Variants in IGSF21 observed in about 807,000 individuals in gnomAD.
IGSF21 encodes the protein immunoglobin superfamily member 21, also known as immunoglobulin superfamily member 21.
In IGSF21, 28 loss-of-function variants were observed where a neutral mutation model predicts 46.8. The ratio of observed to expected loss-of-function variants is 0.60; its 90% CI spans 0.44 to 0.82. The LOEUF (loss-of-function observed/expected upper bound fraction) is 0.82. IGSF21 is among the 40% of genes least tolerant of loss of function. The pLI is 0.00. For missense variants in IGSF21, 624 were observed against 665.5 expected (o/e 0.94, Z 0.69); for synonymous variants, 284 against 273.6 (o/e 1.04, Z -0.38).
chr1:18,175,123 C>T (rs188567138), intron 1 of IGSF21, among the ~76,000 whole-genome samples: 9 of 152,340 alleles, frequency 5.9e-5, no homozygotes, highest in East Asian at 3.9e-4. Context: ...TTCAAATGCC[C>T]GTGTGACCCT....
At chr1:18,156,942 T>C (rs79467002) in intron 1 of IGSF21, among the ~76,000 whole-genome samples, 389 of 152,246 alleles carry the variant, frequency 2.6e-3, no homozygotes, top group African/African-American at 9.1e-3. Context: ...TTGGCCAATG[T>C]GGTGAAACCT....
rs940550511 is a variant in IGSF21, at chr1:18,228,122, C to T, written c.183+112C>T. Reference sequence around the variant, plus strand: ...GCTATGACCTCAGCCCTGACCCAGTCCTGAGTTGTCCTGGGCATCTGCTGG... The same window carrying T: ...GCTATGACCTCAGCCCTGACCCAGTTCTGAGTTGTCCTGGGCATCTGCTGG... On this transcript the variant is annotated intron_variant, in intron 2 of 9. Transcript: ENST00000251296. 9 of 762,812 alleles carry T rather than the reference C, an allele frequency of 1.2e-5. No homozygotes were observed. The East Asian group carries it at 2.5e-4, about 21-fold the overall frequency. 47.3% of individuals were successfully genotyped at this position (762,812 alleles called of 1,614,324 possible).
intron 3 of IGSF21, among the ~76,000 whole-genome samples, chr1:18,319,448 T>C (rs1421364006): frequency 1.3e-5 from 2 of 152,244 alleles, no homozygotes; most frequent in Non-Finnish European, 2.9e-5. Flanking sequence ...TCATAGTAAC[T>C]ATTACTATGA....
At chr1:18,123,939 C>T (rs995811912) in intron 1 of IGSF21, among the ~76,000 whole-genome samples, 1 of 152,186 alleles carries the variant, frequency 6.6e-6, no homozygotes, top group Non-Finnish European at 1.5e-5. Flanking sequence ...CTGGACTCTG[C>T]TGGCCCCACC....
At chr1:18,158,633 G>A (rs2086588859) in intron 1 of IGSF21, among the ~76,000 whole-genome samples, 1 of 152,132 alleles carries the variant, frequency 6.6e-6, no homozygotes. Flanking sequence ...TGGAGCTCCT[G>A]TGTCTTTCAA....
At chr1:18,293,403 A>G (rs1303908880) in intron 3 of IGSF21, among the ~76,000 whole-genome samples, 1 of 152,252 alleles carries the variant, frequency 6.6e-6, no homozygotes, top group East Asian at 1.9e-4. Flanking sequence ...CTGCTTTTGT[A>G]AAAATGGGAA....
chr1:18,244,458 T>G (rs1312257479), intron 2 of IGSF21, among the ~76,000 whole-genome samples: 1 of 152,228 alleles, frequency 6.6e-6, no homozygotes, highest in Non-Finnish European at 1.5e-5. Context: ...CCTTTCTCTG[T>G]GTCTGAAAGC....
chr1:18,201,290 T>C (rs2087071715), intron 1 of IGSF21, among the ~76,000 whole-genome samples: 2 of 152,150 alleles, frequency 1.3e-5, no homozygotes, highest in South Asian at 4.1e-4. Flanking sequence ...ACACTCAGAA[T>C]GGCCAGGCTA....
At chr1:18,291,603 A>G (rs1389945140) in intron 2 of IGSF21, among the ~76,000 whole-genome samples, 1 of 152,134 alleles carries the variant, frequency 6.6e-6, no homozygotes, top group Non-Finnish European at 1.5e-5. Context: ...CTGAGCGCAC[A>G]CTGCTCTTTC....
intron 2 of IGSF21, among the ~76,000 whole-genome samples, chr1:18,236,867 C>T (rs949918175): frequency 1.3e-5 from 2 of 152,308 alleles, no homozygotes; most frequent in South Asian, 4.1e-4. Flanking sequence ...ACATATGGAG[C>T]CCACTGGGGA....
At chr1:18,230,149 G>T (rs2124508562) in intron 2 of IGSF21, among the ~76,000 whole-genome samples, 1 of 152,336 alleles carries the variant, frequency 6.6e-6, no homozygotes, top group Admixed American at 6.5e-5. Flanking sequence ...GCCAGGCTGT[G>T]CCCAGGTGTA....
chr1:18,182,600 T>C (rs935426142), intron 1 of IGSF21, among the ~76,000 whole-genome samples: 4 of 152,162 alleles, frequency 2.6e-5, no homozygotes, highest in African/African-American at 9.7e-5. Flanking sequence ...ACCAGAGCTG[T>C]CATTAAGTGA....
intron 2 of IGSF21, among the ~76,000 whole-genome samples, chr1:18,236,921 C>A (rs995731580): frequency 6.6e-6 from 1 of 152,164 alleles, no homozygotes; most frequent in African/African-American, 2.4e-5. Flanking sequence ...GGGCTAATGC[C>A]TAGCTAGAGT....
chr1:18,262,484 G>GA (rs574821661), intron 2 of IGSF21, among the ~76,000 whole-genome samples: 3 of 152,124 alleles, frequency 2.0e-5, no homozygotes, highest in African/African-American at 7.2e-5. Flanking sequence ...TTTCCTCATT[G>GA]AAAAAATGGG....
chr1:18,262,513 G>A (rs1569663826), intron 2 of IGSF21, among the ~76,000 whole-genome samples: 1 of 152,112 alleles, frequency 6.6e-6, no homozygotes, highest in Non-Finnish European at 1.5e-5. Context: ...TTCCAACATC[G>A]GTGTCATTAT....
At chr1:18,287,588 C>T (rs905765047) in intron 2 of IGSF21, among the ~76,000 whole-genome samples, 1 of 152,172 alleles carries the variant, frequency 6.6e-6, no homozygotes, top group African/African-American at 2.4e-5. Context: ...ATCCACAGGG[C>T]TTGGCTTACC....
chr1:18,188,353 T>C (rs1159008541), intron 1 of IGSF21, among the ~76,000 whole-genome samples: 1 of 152,172 alleles, frequency 6.6e-6, no homozygotes, highest in Non-Finnish European at 1.5e-5. Context: ...TACAGTTTGC[T>C]GATTAGATCG....
intron 3 of IGSF21, among the ~76,000 whole-genome samples, chr1:18,325,435 A>G (rs1286991767): frequency 6.6e-6 from 1 of 152,058 alleles, no homozygotes; most frequent in African/African-American, 2.4e-5. Flanking sequence ...TGAGGCCCTG[A>G]GTCTTCGAGC....
Position 18,108,187 on chromosome 1 carries a change from A to G in IGSF21, c.59A>G (p.Asp20Gly). 1 of 1,438,738 alleles carries G rather than the reference A, an allele frequency of 7.0e-7. No individual in the cohort carries two copies. Among genetic ancestry groups the G allele is most frequent in the Non-Finnish European group, 9.1e-7 (1 of 1,098,336 alleles). The allele number at this position is 1,438,738 out of a possible 1,614,324, so 89.1% of individuals were successfully genotyped here. The change falls in exon 1 of 10, where the codon GAC becomes GGC. Residue 20 changes from aspartate (D) to glycine (G), a missense_variant. Physicochemically the swap from Asp to Gly is moderately conservative, Grantham distance 94 (BLOSUM62 -1). Transcript: ENST00000251296. ...CVCLLLAAIL[D>G]LARGYLTVNI... Reference sequence around the variant, plus strand: ...TGCCTGCTGCTCGCCGCGATCCTGGACCTGGCGCGCGGTGAGTGCGCGGGC... The same window carrying G: ...TGCCTGCTGCTCGCCGCGATCCTGGGCCTGGCGCGCGGTGAGTGCGCGGGC...
Sources: gnomAD v4.1 joint callset for allele counts (sites outside exome capture counted in the v4.1 genomes callset) on GRCh38, gnomAD v4.1.1 for gene constraint, MANE v1.5 for transcripts, NCBI Gene and HGNC (gene_info 2026-07-23, HGNC 2026-07-21) for gene names.